Variants in TYW1 observed in about 807,000 individuals in gnomAD.
TYW1 encodes S-adenosyl-L-methionine-dependent tRNA 4-demethylwyosine synthase TYW1.
TYW1 carries 46 observed loss-of-function variants against 96.2 expected under a neutral mutation model. The ratio of observed to expected loss-of-function variants is 0.48; its 90% CI spans 0.38 to 0.61. The LOEUF (loss-of-function observed/expected upper bound fraction) is 0.61, where lower values mean the gene tolerates loss of function less well. Among genes scored for constraint, TYW1 ranks in the 20% least tolerant of loss-of-function variants. The pLI is 0.00. For synonymous variants in TYW1, 274 were observed against 323.0 expected (o/e 0.85, Z 1.63); for missense variants, 684 against 909.6 (o/e 0.75, Z 3.19).
intron 8 of TYW1, among the ~76,000 whole-genome samples, chr7:67,054,818 G>C (rs1388579311): frequency 6.6e-6 from 1 of 152,178 alleles, no homozygotes; most frequent in East Asian, 1.9e-4. Context: ...CTACTTGTTT[G>C]TACTACTAGT....
chr7:66,996,984 T>G lies in TYW1; in HGVS notation c.4+2T>G. ...TCCTGTCGGCTCTGAGGAGGATGGG[T>G]AAGGGCACTCGGCGGGCAAGGACCC... On this transcript the variant is annotated splice_donor_variant, in intron 1 of 15. Transcript: ENST00000359626. LOFTEE classifies it high-confidence loss of function. 6.2e-7 allele frequency: 1 copy of G among 1,614,052 alleles called. No individual in the cohort carries two copies. The highest frequency in any genetic ancestry group is 8.5e-7 in the Non-Finnish European group (1 of 1,180,000).
intron 9 of TYW1, among the ~76,000 whole-genome samples, chr7:67,065,176 C>A (rs752330678): frequency 6.6e-6 from 1 of 152,186 alleles, no homozygotes; most frequent in African/African-American, 2.4e-5. Context: ...CATGATCTGT[C>A]CTCTGTGCAC....
intron 13 of TYW1, among the ~76,000 whole-genome samples, chr7:67,156,383 C>A (rs1798972144): frequency 6.6e-6 from 1 of 152,192 alleles, no homozygotes; most frequent in Admixed American, 6.5e-5. Context: ...TGCAGATGGG[C>A]AGACACATCT....
chr7:66,998,181 GTCA>G lies in TYW1; in HGVS notation c.125_127del (p.Ile42del). 1 of 1,606,364 alleles carries G rather than the reference GTCA, an allele frequency of 6.2e-7. No homozygotes were observed. The highest frequency in any genetic ancestry group is 8.5e-7 in the Non-Finnish European group (1 of 1,178,058). ...TAGCCTTTGGATTTGTGTCCAGATTGTCATCAAGACGCAGGTAAGTGGAGTTAT... is the reference window on the plus strand; with the variant it reads ...TAGCCTTTGGATTTGTGTCCAGATTGTCAAGACGCAGGTAAGTGGAGTTAT... On this transcript the variant is annotated inframe_deletion, in exon 2 of 16. Coordinates refer to ENST00000359626, the MANE Select transcript of TYW1 (RefSeq NM_018264.4).
chr7:67,057,994 A>T, intron 9 of TYW1, among the ~76,000 whole-genome samples: 1 of 152,254 alleles, frequency 6.6e-6, no homozygotes. Context: ...TTTCTTCTAG[A>T]AGCTTCGTCG....
intron 8 of TYW1, among the ~76,000 whole-genome samples, chr7:67,052,718 A>G (rs1233925173): frequency 1.3e-5 from 2 of 151,868 alleles, no homozygotes; most frequent in African/African-American, 2.4e-5. Flanking sequence ...GGTACTGGGT[A>G]TTTTTATTTT....
At chr7:67,169,377 G>A (rs1271495176) in intron 13 of TYW1, among the ~76,000 whole-genome samples, 11 of 151,658 alleles carry the variant, frequency 7.3e-5, no homozygotes, top group Admixed American at 5.9e-4. Flanking sequence ...CCAAGTTAGC[G>A]CATGTTATAT....
chr7:67,145,087 A>C (rs1000639170), intron 13 of TYW1, among the ~76,000 whole-genome samples: 4 of 143,524 alleles, frequency 2.8e-5, no homozygotes, highest in Admixed American at 6.9e-5. Flanking sequence ...GCAGTCTTTT[A>C]CATATTTTAC....
At chr7:67,077,042 G>T (rs1279785230) in intron 10 of TYW1, among the ~76,000 whole-genome samples, 1 of 152,138 alleles carries the variant, frequency 6.6e-6, no homozygotes, top group African/African-American at 2.4e-5. Flanking sequence ...CCAAAGTGCT[G>T]GGATTACAGG....
intron 7 of TYW1, among the ~76,000 whole-genome samples, chr7:67,029,401 G>GTATATATACA (rs1362181176): frequency 1.3e-5 from 1 of 74,778 alleles, no homozygotes; most frequent in Non-Finnish European, 2.7e-5. Context: ...GTGTGTGTGT[G>GTATATATACA]TGTGTGTGTG....
At chr7:67,110,730 G>A (rs1304627451) in intron 12 of TYW1, among the ~76,000 whole-genome samples, 2 of 152,184 alleles carry the variant, frequency 1.3e-5, no homozygotes, top group African/African-American at 2.4e-5. Context: ...ATAGCCAGGC[G>A]TGGTGGCTCA....
At chr7:67,100,780 C>T (rs199645528) in intron 12 of TYW1, among the ~76,000 whole-genome samples, 20 of 140,444 alleles carry the variant, frequency 1.4e-4, no homozygotes, top group Admixed American at 1.2e-3. Context: ...AGGAGAATGG[C>T]GAGAACCTGG....
rs1796297963 is a variant in TYW1, at chr7:67,079,018, CA to C, written c.1275-4411del. Among the ~76,000 whole-genome samples the C allele has an allele frequency of 3.9e-5, 6 of 152,292 alleles. No individual in the cohort carries two copies. The South Asian group carries it at 1.2e-3, about 32-fold the overall frequency. The stretch of plus-strand genomic sequence containing the variant: ...TGAGGATTTTTATACCTTTGTTTAT[CA>C]GGGATATTGGCATGCTATTTTCCTT... On this transcript the variant is annotated intron_variant, in intron 10 of 15. Transcript: ENST00000359626.
intron 13 of TYW1, among the ~76,000 whole-genome samples, chr7:67,172,109 T>G (rs1209271960): frequency 2.0e-5 from 3 of 152,030 alleles, no homozygotes; most frequent in Non-Finnish European, 4.4e-5. Flanking sequence ...TTATTTGCAT[T>G]ATTTTCCTCC....
At chr7:67,083,939 G>A (rs1796459049) in intron 11 of TYW1, among the ~76,000 whole-genome samples, 1 of 152,198 alleles carries the variant, frequency 6.6e-6, no homozygotes, top group Non-Finnish European at 1.5e-5. Flanking sequence ...GGAGGCTGAG[G>A]CAGGAGAATT....
rs543669120 is a variant in TYW1, at chr7:67,005,149, G to A, written c.274-4434G>A. 2.0e-5 allele frequency among the ~76,000 whole-genome samples: 3 copies of A among 152,278 alleles called. No homozygotes were observed. In the East Asian group the frequency reaches 5.8e-4, roughly 29 times the overall value. ...GAAAGGTCCACTGTTACCCTGATGG[G>A]ATTCCCTATGTAGCTGACCTGCCCC... On this transcript the variant is annotated intron_variant, in intron 3 of 15. Transcript: ENST00000359626.
intron 12 of TYW1, among the ~76,000 whole-genome samples, chr7:67,111,227 G>A (rs796302930): frequency 2.0e-5 from 3 of 151,030 alleles, no homozygotes; most frequent in Admixed American, 6.6e-5. Flanking sequence ...TTTCCGAGAC[G>A]GAATCTTGCT....
intron 7 of TYW1, among the ~76,000 whole-genome samples, chr7:67,025,366 T>TAA (rs3980716): frequency 0.51 from 75,755 of 148,496 alleles, 19,258 homozygotes; most frequent in Middle Eastern, 0.59. Flanking sequence ...GCTGATGAGC[T>TAA]AAAAAAAAAA....
intron 15 of TYW1, among the ~76,000 whole-genome samples, chr7:67,226,146 A>AG (rs1207035238): frequency 6.6e-6 from 1 of 152,180 alleles, no homozygotes; most frequent in Non-Finnish European, 1.5e-5. Context: ...TCTAACCTCC[A>AG]AGCTGTCCTT....
Sources: gnomAD v4.1 joint callset for allele counts (sites outside exome capture counted in the v4.1 genomes callset) on GRCh38, gnomAD v4.1.1 for gene constraint, MANE v1.5 for transcripts, NCBI Gene and HGNC (gene_info 2026-07-23, HGNC 2026-07-21) for gene names.